SNX29: variants seen among roughly 807,000 people sequenced by gnomAD.
SNX29 encodes the protein sorting nexin-29.
In SNX29, 78 loss-of-function variants were observed where a neutral mutation model predicts 102.1. The ratio of observed to expected loss-of-function variants is 0.76; its 90% CI spans 0.64 to 0.92. The LOEUF is 0.92. Among genes scored for constraint, SNX29 ranks in the 40% least tolerant of loss-of-function variants. The pLI is 0.00. For synonymous variants in SNX29, 580 were observed against 414.5 expected, an observed-to-expected ratio of 1.40 and a Z score of -4.85; for missense variants, 1,280 against 1,061.7, an observed-to-expected ratio of 1.21 and a Z score of -2.86.
intron 6 of SNX29, among the ~76,000 whole-genome samples, chr16:12,047,163 G>T (rs1187923025): frequency 1.3e-5 from 2 of 152,124 alleles, no homozygotes; most frequent in African/African-American, 4.8e-5. Context: ...ATCTTCATGG[G>T]GCTGTGAGAG....
chr16:12,559,120 C>G (rs2078560189), intron 20 of SNX29, among the ~76,000 whole-genome samples: 1 of 152,134 alleles, frequency 6.6e-6, no homozygotes, highest in African/African-American at 2.4e-5. Context: ...TCAAATCAGG[C>G]TTGGATCCCT....
At chr16:12,477,572 G>A in intron 18 of SNX29, 147 bp from the exon 19 acceptor site, 1 of 895,824 alleles carries the variant, frequency 1.1e-6, no homozygotes, top group South Asian at 1.7e-5. Context: ...ATAAATCCCT[G>A]CTCTATGCCA....
intron 19 of SNX29, among the ~76,000 whole-genome samples, chr16:12,515,895 G>A (rs1424553913): frequency 6.6e-6 from 1 of 152,026 alleles, no homozygotes; most frequent in Non-Finnish European, 1.5e-5. Context: ...GGTGCACCAC[G>A]AGTTAACTTC....
At chr16:12,517,552 C>A (rs1339193289) in intron 19 of SNX29, among the ~76,000 whole-genome samples, 1 of 152,178 alleles carries the variant, frequency 6.6e-6, no homozygotes, top group Non-Finnish European at 1.5e-5. Flanking sequence ...TATGGTCTGC[C>A]TGGCCTTCCC....
chr16:12,165,355 A>G (rs955697521), intron 13 of SNX29, among the ~76,000 whole-genome samples: 10 of 152,344 alleles, frequency 6.6e-5, no homozygotes, highest in African/African-American at 2.4e-4. Flanking sequence ...GAAGTTGTTC[A>G]GCAATTTAGT....
intron 10 of SNX29, among the ~76,000 whole-genome samples, chr16:12,074,766 A>G (rs1009162680): frequency 5.3e-5 from 8 of 152,110 alleles, no homozygotes; most frequent in Non-Finnish European, 7.4e-5. Flanking sequence ...GTGTTTTCCA[A>G]CTTGGTTCCA....
At chr16:12,519,780 G>A (rs931673451) in intron 19 of SNX29, among the ~76,000 whole-genome samples, 1 of 152,056 alleles carries the variant, frequency 6.6e-6, no homozygotes, top group Non-Finnish European at 1.5e-5. Context: ...CCTGAGGGCA[G>A]GAGTATCACC....
chr16:12,551,495 C>G (rs531099695), intron 20 of SNX29, among the ~76,000 whole-genome samples: 1 of 152,178 alleles, frequency 6.6e-6, no homozygotes, highest in Admixed American at 6.5e-5. Flanking sequence ...CAACATTAAT[C>G]TTTGGGCCTC....
At chr16:12,350,860 C>G (rs115643424) in intron 15 of SNX29, among the ~76,000 whole-genome samples, 1 of 152,136 alleles carries the variant, frequency 6.6e-6, no homozygotes, top group Non-Finnish European at 1.5e-5. Flanking sequence ...CCCAGAAATC[C>G]GCATTTTTCA....
At chr16:12,170,866 G>A (rs1357121069) in intron 13 of SNX29, among the ~76,000 whole-genome samples, 5 of 151,768 alleles carry the variant, frequency 3.3e-5, no homozygotes, top group East Asian at 1.9e-4. Context: ...CTGTGCGCGC[G>A]CGCGTGCTGT....
chr16:12,520,042 AAC>A (rs1487951474), intron 19 of SNX29, among the ~76,000 whole-genome samples: 1 of 152,154 alleles, frequency 6.6e-6, no homozygotes, highest in Non-Finnish European at 1.5e-5. Context: ...AAGAAAACAA[AAC>A]ACAGTCACAG....
At chr16:12,059,752 T>C (rs562343775) in intron 8 of SNX29, among the ~76,000 whole-genome samples, 1 of 152,336 alleles carries the variant, frequency 6.6e-6, no homozygotes, top group Admixed American at 6.5e-5. Context: ...ATGTACTCTC[T>C]GGTCTATTAC....
intron 13 of SNX29, among the ~76,000 whole-genome samples, chr16:12,177,275 A>G (rs1305324142): frequency 1.1e-4 from 17 of 151,428 alleles, no homozygotes; most frequent in Admixed American, 1.1e-3. Context: ...TCTCTGTTTT[A>G]CTTCTGTGTC....
At chr16:12,498,982 T>G (rs963917494) in intron 19 of SNX29, among the ~76,000 whole-genome samples, 2 of 152,206 alleles carry the variant, frequency 1.3e-5, no homozygotes, top group Admixed American at 1.3e-4. Context: ...TAGCTCCTTT[T>G]GGACAGCTGC....
At chr16:12,327,563 A>C (rs2081157755) in intron 15 of SNX29, among the ~76,000 whole-genome samples, 1 of 152,014 alleles carries the variant, frequency 6.6e-6, no homozygotes, top group Admixed American at 6.5e-5. Context: ...GTTAGGGCCC[A>C]CCTTAATGAC....
intron 1 of SNX29, among the ~76,000 whole-genome samples, chr16:11,991,707 T>C (rs1481758621): frequency 4.0e-5 from 5 of 124,388 alleles, no homozygotes; most frequent in Non-Finnish European, 8.3e-5. Context: ...CACCTGAGGC[T>C]AATCTTTTTT....
At chr16:12,229,905 C>G (rs1341916641) in intron 14 of SNX29, among the ~76,000 whole-genome samples, 2 of 152,124 alleles carry the variant, frequency 1.3e-5, no homozygotes, top group African/African-American at 2.4e-5. Flanking sequence ...TGCTTTCATT[C>G]TTTCTAGGAC....
chr16:12,344,456 CTT>C (rs2081720306), intron 15 of SNX29, among the ~76,000 whole-genome samples: 1 of 152,274 alleles, frequency 6.6e-6, no homozygotes, highest in East Asian at 1.9e-4. Flanking sequence ...AAGAGTCTCT[CTT>C]GTTTGCTGCT....
At chr16:12,565,856 C>T (rs1296898371) in intron 20 of SNX29, among the ~76,000 whole-genome samples, 1 of 152,324 alleles carries the variant, frequency 6.6e-6, no homozygotes, top group East Asian at 1.9e-4. Context: ...TCCGGGAAGC[C>T]CTCTGTGCCC....
Sources: gnomAD v4.1 joint callset for allele counts (sites outside exome capture counted in the v4.1 genomes callset) on GRCh38, gnomAD v4.1.1 for gene constraint, MANE v1.5 for transcripts, NCBI Gene and HGNC (gene_info 2026-07-23, HGNC 2026-07-21) for gene names.